The following CDCA7L variants were observed in gnomAD, a reference collection of about 807,000 sequenced individuals.
CDCA7L encodes cell division cycle associated 7 like, also known as cell division cycle-associated 7-like protein.
In CDCA7L, 44 loss-of-function variants were observed where a neutral mutation model predicts 57.4. That is an observed-to-expected ratio of 0.77 (90% CI 0.60 to 0.98). The LOEUF is 0.98. CDCA7L is among the 50% of genes least tolerant of loss of function. CDCA7L has a pLI of 0.00. For synonymous variants in CDCA7L, 236 were observed against 202.8 expected (o/e 1.16, Z -1.39); for missense variants, 644 against 580.6 (o/e 1.11, Z -1.12).
chr7:21,934,361 A>G lies in CDCA7L; in HGVS notation c.24+11420T>C, dbSNP rs117492403. 8.6e-3 allele frequency among the ~76,000 whole-genome samples: 1,317 copies of G among 152,320 alleles called. 10 individuals carry two copies. Among genetic ancestry groups the G allele is most frequent in the Non-Finnish European group, 0.013 (904 of 68,014 alleles). On this transcript the variant is annotated intron_variant, in intron 1 of 9. Coordinates refer to ENST00000406877, the MANE Select transcript of CDCA7L (RefSeq NM_018719.5). ...TTGGTATCATTCAAACCAGATTGCTATAACTTTAGAATGTTATATGTAATC... is the reference window on the plus strand; with the variant it reads ...TTGGTATCATTCAAACCAGATTGCTGTAACTTTAGAATGTTATATGTAATC...
intron 6 of CDCA7L, 28 bp from the exon 7 acceptor site, chr7:21,905,659 G>C (rs573885533): frequency 1.9e-6 from 3 of 1,608,524 alleles, no homozygotes; most frequent in Non-Finnish European, 1.7e-6. Context: ...GCAGAACATG[G>C]AGATGTGTTG....
chr7:21,903,591 G>A (rs949328411), intron 8 of CDCA7L, among the ~76,000 whole-genome samples: 8 of 131,842 alleles, frequency 6.1e-5, no homozygotes, highest in African/African-American at 2.0e-4. Flanking sequence ...GAGCAGGACT[G>A]CCCCAGGCTC....
chr7:21,932,361 AG>A (rs1786042977), intron 1 of CDCA7L, among the ~76,000 whole-genome samples: 2 of 152,232 alleles, frequency 1.3e-5, no homozygotes, highest in East Asian at 3.8e-4. Flanking sequence ...CTAAGCAAAA[AG>A]AACAAAGCTA....
At chr7:21,940,542 G>A (rs1786308768) in intron 1 of CDCA7L, among the ~76,000 whole-genome samples, 1 of 152,196 alleles carries the variant, frequency 6.6e-6, no homozygotes, top group Non-Finnish European at 1.5e-5. Flanking sequence ...TTCCAGTGTG[G>A]TATGATAAAT....
intron 1 of CDCA7L, among the ~76,000 whole-genome samples, chr7:21,928,119 A>C (rs1785883461): frequency 6.6e-6 from 1 of 152,194 alleles, no homozygotes; most frequent in African/African-American, 2.4e-5. Context: ...AGAGGAAGAA[A>C]ACAGGCAGCA....
rs75540363 is a variant in CDCA7L at position 21,910,149 on chromosome 7, G to C, written c.303+1468C>G. On this transcript the variant is annotated intron_variant, in intron 3 of 9. Coordinates refer to ENST00000406877, the MANE Select transcript of CDCA7L (RefSeq NM_018719.5). ...TGGGGTAATTCACTTTCTCTCACTA[G>C]AAATGCAAATGCTTCGAATAACCAG... Among the ~76,000 whole-genome samples the C allele has an allele frequency of 5.1e-3, 771 of 152,310 alleles. 5 individuals carry two copies. Among genetic ancestry groups the C allele is most frequent in the Middle Eastern group, 0.017 (5 of 294 alleles).
chr7:21,923,713 A>G (rs946134840), intron 1 of CDCA7L, among the ~76,000 whole-genome samples: 1 of 152,194 alleles, frequency 6.6e-6, no homozygotes, highest in Non-Finnish European at 1.5e-5. Flanking sequence ...TTAGTGTCTG[A>G]CCAACCAGGT....
At chr7:21,914,848 T>C (rs528862704) in intron 2 of CDCA7L, among the ~76,000 whole-genome samples, 1 of 152,210 alleles carries the variant, frequency 6.6e-6, no homozygotes, top group Non-Finnish European at 1.5e-5. Flanking sequence ...CTGTCCTCCC[T>C]GGGGAGAACA....
At chr7:21,917,583 G>A (rs1166231113) in intron 1 of CDCA7L, among the ~76,000 whole-genome samples, 2 of 152,180 alleles carry the variant, frequency 1.3e-5, no homozygotes, top group Non-Finnish European at 2.9e-5. Context: ...ACACAGAAAT[G>A]TGAAAAAATA....
Position 21,906,329 on chromosome 7 carries a change from G to T in CDCA7L, c.881C>A (p.Ala294Glu). Residue 294 changes from alanine (A) to glutamate (E), a missense_variant, in exon 6 of 10, where the codon GCG (alanine) becomes GAG (glutamate). Transcript: ENST00000406877. ...TCTTCGGAAGCTGTAAAACTCTTCC[G>T]CAAATTTAGCGGCTGAGACAGTGAA... ...ENFTVSAAKFAEEFYSFRRRK... is the reference protein window; with the variant it reads ...ENFTVSAAKFEEEFYSFRRRK... 6.2e-7 allele frequency: 1 copy of T among 1,608,306 alleles called. No individual in the cohort carries two copies. Among genetic ancestry groups the T allele is most frequent in the Non-Finnish European group, 8.5e-7 (1 of 1,177,880 alleles).
At chr7:21,944,449 C>CCAAAAAAA (rs1435685024) in intron 1 of CDCA7L, among the ~76,000 whole-genome samples, 1 of 61,658 alleles carries the variant, frequency 1.6e-5, no homozygotes, top group Non-Finnish European at 2.6e-5. Context: ...ACTCCGTCTC[C>CCAAAAAAA]AAAAAAAAAA....
In CDCA7L at chr7:21,906,395, G is replaced by A. The variant is rs770728898; in HGVS notation, c.815C>T (p.Thr272Ile). Residue 272 changes from threonine (T) to isoleucine (I), a missense_variant, in exon 6 of 10, where the codon ACC becomes ATC. Coordinates refer to ENST00000406877, the MANE Select transcript of CDCA7L (RefSeq NM_018719.5). ...CTTCTCAGGAGGCCGCGCACTCCGG[G>A]TTGGGTTCATACGCCGCGTGATCTG... ...EGQITRRMNPTRSARPPEKFA... is the reference protein window; with the variant it reads ...EGQITRRMNPIRSARPPEKFA... 4 of 1,613,842 alleles carry A rather than the reference G, an allele frequency of 2.5e-6. No homozygotes were observed. The highest frequency in any genetic ancestry group is 3.4e-6 in the Non-Finnish European group (4 of 1,179,862).
At chr7:21,928,561 G>C (rs557518745) in intron 1 of CDCA7L, among the ~76,000 whole-genome samples, 79 of 151,984 alleles carry the variant, frequency 5.2e-4, no homozygotes, top group Middle Eastern at 3.4e-3. Context: ...CTTGAAAAAA[G>C]GTTAGAGGAA....
Position 21,908,490 on chromosome 7 carries a change from C to A in CDCA7L, c.321G>T (p.Leu107Phe). The A allele has an allele frequency of 6.5e-7, 1 of 1,534,660 alleles. No individual in the cohort carries two copies. Among genetic ancestry groups the A allele is most frequent in the Non-Finnish European group, 8.7e-7 (1 of 1,147,224 alleles). The change falls in exon 4 of 10, where the codon TTG (leucine) becomes TTT (phenylalanine). Residue 107 changes from leucine to phenylalanine, a missense_variant. Transcript: ENST00000406877. Reference sequence around the variant, plus strand: ...CCAAAGATGCTTTGCCATCATCACTCAAATCTGACTCCACGACCTAATAAA... The same window carrying A: ...CCAAAGATGCTTTGCCATCATCACTAAAATCTGACTCCACGACCTAATAAA... ...NPEVMVVESD[L>F]SDDGKASLVS...
Position 21,908,476 on chromosome 7 carries a change from T to C in CDCA7L, c.335A>G (p.Lys112Arg), listed in dbSNP as rs1583845890. The change falls in exon 4 of 10, where the codon AAA (lysine) becomes AGA (arginine). Residue 112 changes from lysine to arginine, a missense_variant. By Grantham distance (26) the Lys-to-Arg change is conservative (BLOSUM62 2). Coordinates refer to ENST00000406877, the MANE Select transcript of CDCA7L (RefSeq NM_018719.5). The part of the protein sequence containing the change: ...VVESDLSDDG[K>R]ASLVSEEEED... ...CTCTTCCTCGCTCACCAAAGATGCT[T>C]TGCCATCATCACTCAAATCTGACTC... 2 of 1,543,518 alleles carry C rather than the reference T, an allele frequency of 1.3e-6. No homozygotes were observed. Among genetic ancestry groups the C allele is most frequent in the East Asian group, 2.3e-5 (1 of 44,324 alleles).
intron 2 of CDCA7L, among the ~76,000 whole-genome samples, chr7:21,916,079 T>C (rs912864881): frequency 1.2e-4 from 18 of 152,142 alleles, no homozygotes; most frequent in African/African-American, 4.1e-4. Flanking sequence ...TTCCTGGACT[T>C]GCCCAGTGGA....
chr7:21,902,926 G>T, intron 9 of CDCA7L, 52 bp downstream of exon 9: 6 of 1,582,020 alleles, frequency 3.8e-6, no homozygotes, highest in Non-Finnish European at 5.2e-6. Context: ...GGTCTCCTGT[G>T]CTCAGCCTCA....
rs1200191048 is a variant in CDCA7L, at chr7:21,902,438, G to C, written c.1335-86C>G. On this transcript the variant is annotated intron_variant, in intron 9 of 9. Coordinates refer to ENST00000406877, the MANE Select transcript of CDCA7L (RefSeq NM_018719.5). The stretch of plus-strand genomic sequence containing the variant: ...CTTGAGAGATTCCACAATCATCTAA[G>C]AGTACAAAGCCAGAACCCAGATCTC... The C allele has an allele frequency of 4.5e-6, 6 of 1,327,530 alleles. No homozygotes were observed. The Middle Eastern group carries it at 5.4e-4, about 120-fold the overall frequency. 82.2% of individuals were successfully genotyped at this position (1,327,530 alleles called of 1,614,324 possible).
Position 21,908,353 on chromosome 7 carries a change from A to G in CDCA7L, c.458T>C (p.Leu153Pro). 1.9e-6 allele frequency: 3 copies of G among 1,608,482 alleles called. No homozygotes were observed. In the African/African-American group the frequency reaches 4.1e-5, roughly 22 times the overall value. The change falls in exon 4 of 10, where the codon CTG becomes CCG. Residue 153 changes from leucine to proline, a missense_variant. By Grantham distance (98) the Leu-to-Pro change is moderately conservative. Transcript: ENST00000406877. Reference protein sequence around the residue: ...RVAFQFPTKKLANKPDKNSSS... With the variant: ...RVAFQFPTKKPANKPDKNSSS... Reference sequence around the variant, plus strand: ...ACTGTTTTTATCTGGTTTGTTGGCCAGCTTCTTGGTGGGGAACTGAAAGGC... The same window carrying G: ...ACTGTTTTTATCTGGTTTGTTGGCCGGCTTCTTGGTGGGGAACTGAAAGGC...
Sources: allele counts gnomAD v4.1 joint callset (sites outside exome capture counted in the v4.1 genomes callset), GRCh38; gene constraint gnomAD v4.1.1; transcripts MANE v1.5; gene names NCBI Gene and HGNC (gene_info 2026-07-23, HGNC 2026-07-21).